The following RIC1 variants were observed in gnomAD, a reference collection of about 807,000 sequenced individuals.
RIC1 encodes RIC1 partner of RAB6A GEF complex.
A neutral mutation model predicts 169.0 loss-of-function variants in RIC1; 88 were observed. The observed-to-expected ratio is 0.52, with a 90% confidence interval of 0.44 to 0.62. The LOEUF (loss-of-function observed/expected upper bound fraction) is 0.62, where lower values mean the gene tolerates loss of function less well. Ranked by LOEUF, RIC1 falls within the 20% of genes least tolerant of loss-of-function variation. The pLI, the probability that RIC1 is intolerant of heterozygous loss-of-function variation, is 0.00. For synonymous variants in RIC1, 790 were observed against 601.5 expected, an observed-to-expected ratio of 1.31 and a Z score of -4.59; for missense variants, 1,877 against 1,725.5, an observed-to-expected ratio of 1.09 and a Z score of -1.56.
chr9:5,714,840 C>G (rs1415619920), intron 4 of RIC1, among the ~76,000 whole-genome samples: 1 of 152,034 alleles, frequency 6.6e-6, no homozygotes, highest in Non-Finnish European at 1.5e-5. Flanking sequence ...GGGGGAAAAG[C>G]TTTTTATTGT....
rs780205253 is a variant in RIC1 at position 5,774,150 on chromosome 9, A to T, written c.4176A>T (p.Gly1392=). ...GAAGCATCCCCCAGGGTGAAGTTGG[A>T]AGCAGCAATATGGTCAGCCGGAAAG... ...SHGSIPQGEV[G]SSNMVSRKEE... Residue 1392 remains glycine, a synonymous_variant, in exon 26 of 26, where the codon GGA becomes GGT. Transcript: ENST00000414202. 4 of 1,614,078 alleles carry T rather than the reference A, an allele frequency of 2.5e-6. No individual in the cohort carries two copies. The highest frequency in any genetic ancestry group is 1.7e-4 in the Middle Eastern group (1 of 6,060).
chr9:5,650,798 C>T (rs917793192), intron 1 of RIC1, among the ~76,000 whole-genome samples: 1 of 152,124 alleles, frequency 6.6e-6, no homozygotes, highest in African/African-American at 2.4e-5. Context: ...GTGCATTGCA[C>T]TTGCCTGTTC....
At chr9:5,729,497 T>A (rs143974014) in intron 6 of RIC1, among the ~76,000 whole-genome samples, 1 of 152,228 alleles carries the variant, frequency 6.6e-6, no homozygotes, top group Non-Finnish European at 1.5e-5. Flanking sequence ...CTCATTGATA[T>A]GCTTTCCAGC....
At chr9:5,712,067 T>A (rs1435582676) in intron 3 of RIC1, among the ~76,000 whole-genome samples, 1 of 152,216 alleles carries the variant, frequency 6.6e-6, no homozygotes, top group Non-Finnish European at 1.5e-5. Context: ...GCAGCATGAT[T>A]TATATTCCTT....
At chr9:5,686,687 T>TTA (rs1491395161) in intron 2 of RIC1, among the ~76,000 whole-genome samples, 1 of 149,730 alleles carries the variant, frequency 6.7e-6, no homozygotes, top group Non-Finnish European at 1.5e-5. Context: ...AGATGACGAG[T>TTA]TAGTGGGTGC....
chr9:5,734,375 A>G (rs964842596), intron 7 of RIC1, among the ~76,000 whole-genome samples: 15 of 152,162 alleles, frequency 9.9e-5, no homozygotes, highest in Admixed American at 2.6e-4. Context: ...AAGTGCTGTG[A>G]TTACAGGTGT....
chr9:5,685,263 T>C (rs536901379), intron 2 of RIC1, among the ~76,000 whole-genome samples: 27 of 150,156 alleles, frequency 1.8e-4, no homozygotes, highest in Admixed American at 1.6e-3. Context: ...CTTCACAGAA[T>C]TGGAAAAAAC....
chr9:5,647,941 G>GTGA lies in RIC1; in HGVS notation c.145-8640_145-8639insATG, dbSNP rs1172839063. Among the ~76,000 whole-genome samples the GTGA allele has an allele frequency of 7.1e-3, 871 of 122,118 alleles. 9 individuals are homozygous for GTGA. Among genetic ancestry groups the GTGA allele is most frequent in the African/African-American group, 0.028 (832 of 29,476 alleles). The allele number at this position is 122,118 out of a possible 152,430, so 80.1% of individuals were successfully genotyped here. On this transcript the variant is annotated intron_variant, in intron 1 of 25. Coordinates refer to ENST00000414202, the MANE Select transcript of RIC1 (RefSeq NM_020829.4). ...TTGTTTGTGTGTGTGGGGGTGGGTGGTGGTGGTGGTGGTGGTGGTGGTGGT... is the reference window on the plus strand; with the variant it reads ...TTGTTTGTGTGTGTGGGGGTGGGTGGTGATGGTGGTGGTGGTGGTGGTGGTGGT...
intron 4 of RIC1, among the ~76,000 whole-genome samples, chr9:5,715,447 C>T (rs952520954): frequency 1.1e-4 from 17 of 152,146 alleles, no homozygotes; most frequent in African/African-American, 4.1e-4. Context: ...TAAGGTTTCT[C>T]TCAAAACTCC....
chr9:5,700,477 C>T (rs1563911109), intron 3 of RIC1, among the ~76,000 whole-genome samples: 1 of 151,938 alleles, frequency 6.6e-6, no homozygotes, highest in African/African-American at 2.4e-5. Context: ...TTTTAAGTTC[C>T]ATCTACAAAT....
chr9:5,732,839 C>T (rs969033166), intron 7 of RIC1, among the ~76,000 whole-genome samples: 6 of 152,086 alleles, frequency 3.9e-5, no homozygotes, highest in East Asian at 1.9e-4. Flanking sequence ...GCATTCATGA[C>T]GCCTTCAAAT....
At position 5,765,701 on chromosome 9, in the gene RIC1, C is replaced by A; in HGVS notation, c.3040C>A (p.Arg1014=). The A allele has an allele frequency of 6.2e-7, 1 of 1,614,124 alleles. No homozygotes were observed. ...TGGTGGATTTGAGTTCTTCAGGAAT[C>A]GAAGCATCAGTTTATCCCAGTCAGC... ...SSGGFEFFRN[R]SISLSQSAEN... The change falls in exon 21 of 26, where the codon CGA becomes AGA. Residue 1014 remains arginine, a synonymous_variant. Coordinates refer to ENST00000414202, the MANE Select transcript of RIC1 (RefSeq NM_020829.4).
At chr9:5,631,368 C>G (rs2130205341) in intron 1 of RIC1, among the ~76,000 whole-genome samples, 1 of 152,180 alleles carries the variant, frequency 6.6e-6, no homozygotes, top group African/African-American at 2.4e-5. Context: ...AAATGAAATG[C>G]AGGAATACCT....
intron 18 of RIC1, 139 bp downstream of exon 18, chr9:5,762,799 T>C: frequency 9.0e-7 from 1 of 1,110,180 alleles, no homozygotes; most frequent in Non-Finnish European, 1.3e-6. Context: ...CTTAAGCCTC[T>C]GGGTGTAAGA....
At chr9:5,694,233 A>G (rs1350874251) in intron 3 of RIC1, among the ~76,000 whole-genome samples, 1 of 152,202 alleles carries the variant, frequency 6.6e-6, no homozygotes, top group African/African-American at 2.4e-5. Flanking sequence ...AAGCATCTAA[A>G]TCGTATCAAA....
At chr9:5,690,081 AC>A (rs1385247810) in intron 3 of RIC1, 43 bp downstream of exon 3, 1 of 1,300,118 alleles carries the variant, frequency 7.7e-7, no homozygotes, top group Admixed American at 2.2e-5. Context: ...TGATTTGCAT[AC>A]TTTATATTCA....
chr9:5,708,668 G>C (rs1822748503), intron 3 of RIC1, among the ~76,000 whole-genome samples: 1 of 151,990 alleles, frequency 6.6e-6, no homozygotes, highest in Admixed American at 6.6e-5. Flanking sequence ...ATCTCTTGCT[G>C]CTTTCAAGAT....
At position 5,753,684 on chromosome 9, in the gene RIC1, G is replaced by A. The variant is rs751890199; in HGVS notation, c.1602+38G>A. 112 of 1,079,846 alleles carry A rather than the reference G, an allele frequency of 1.0e-4. 1 individual carries two copies. In the Middle Eastern group the frequency reaches 3.1e-3, roughly 30 times the overall value. 66.9% of individuals were successfully genotyped at this position (1,079,846 alleles called of 1,614,324 possible). ...TGAGATTAAAAACCTATTTCTCAAAGTATAAGAGAACTACAATATGAAATA... is the reference window on the plus strand; with the variant it reads ...TGAGATTAAAAACCTATTTCTCAAAATATAAGAGAACTACAATATGAAATA... On this transcript the variant is annotated intron_variant, in intron 14 of 25. Coordinates refer to ENST00000414202, the MANE Select transcript of RIC1 (RefSeq NM_020829.4).
chr9:5,724,729 C>A (rs1028704802), intron 6 of RIC1, among the ~76,000 whole-genome samples: 2 of 152,122 alleles, frequency 1.3e-5, no homozygotes, highest in Admixed American at 6.5e-5. Context: ...GAGATACGTC[C>A]CATCAATACC....
Sources: allele counts gnomAD v4.1 joint callset (sites outside exome capture counted in the v4.1 genomes callset), GRCh38; gene constraint gnomAD v4.1.1; transcripts MANE v1.5; gene names NCBI Gene and HGNC (gene_info 2026-07-23, HGNC 2026-07-21).